GABRG3: variants seen among roughly 807,000 people sequenced by gnomAD.
GABRG3 encodes the protein gamma-aminobutyric acid type A receptor subunit gamma3.
GABRG3 carries 25 observed loss-of-function variants against 48.8 expected under a neutral mutation model. The observed-to-expected ratio is 0.51, with a 90% CI of 0.37 to 0.72. The LOEUF (loss-of-function observed/expected upper bound fraction) is 0.72. Among genes scored for constraint, GABRG3 ranks in the 30% least tolerant of loss-of-function variants. The pLI is 0.00. For missense variants in GABRG3, 394 were observed against 577.9 expected, an observed-to-expected ratio of 0.68 and a Z score of 3.26; for synonymous variants, 227 against 217.6, an observed-to-expected ratio of 1.04 and a Z score of -0.38.
chr15:27,412,421 A>G (rs753828864), intron 5 of GABRG3, among the ~76,000 whole-genome samples: 5 of 152,134 alleles, frequency 3.3e-5, no homozygotes, highest in African/African-American at 1.2e-4. Flanking sequence ...CCATATATAA[A>G]TGGTATAATA....
chr15:27,088,617 A>T (rs1595516932), intron 3 of GABRG3, among the ~76,000 whole-genome samples: 1 of 152,258 alleles, frequency 6.6e-6, no homozygotes, highest in East Asian at 1.9e-4. Context: ...GGAAACTCAC[A>T]ATCCTGGTGG....
chr15:27,348,059 A>G (rs1894433930), intron 5 of GABRG3, among the ~76,000 whole-genome samples: 2 of 150,988 alleles, frequency 1.3e-5, no homozygotes, highest in Admixed American at 1.3e-4. Flanking sequence ...GTCACAGTTA[A>G]TGTTTAAGAG....
intron 6 of GABRG3, among the ~76,000 whole-genome samples, chr15:27,504,525 T>G (rs554182136): frequency 6.6e-6 from 1 of 152,350 alleles, no homozygotes; most frequent in African/African-American, 2.4e-5. Flanking sequence ...AACTTTGTGC[T>G]ATTGTGATTA....
At chr15:27,184,145 A>G (rs1888019680) in intron 3 of GABRG3, among the ~76,000 whole-genome samples, 1 of 152,240 alleles carries the variant, frequency 6.6e-6, no homozygotes, top group Admixed American at 6.5e-5. Context: ...GACAAGACAA[A>G]GATAAAGGAC....
rs1887887788 is a variant in GABRG3 at position 27,180,284 on chromosome 15, A to G, written c.271-146525A>G. Among the ~76,000 whole-genome samples the G allele has an allele frequency of 6.6e-6, 1 of 152,188 alleles. No homozygotes were observed. Among genetic ancestry groups the G allele is most frequent in the African/African-American group, 2.4e-5 (1 of 41,432 alleles). Reference sequence around the variant, plus strand: ...GGAGTAGATGTACATTCTGGTCACAATAGCAACTAGAGTAAACGGGCAAAT... The same window carrying G: ...GGAGTAGATGTACATTCTGGTCACAGTAGCAACTAGAGTAAACGGGCAAAT... On this transcript the variant is annotated intron_variant, in intron 3 of 9. Coordinates refer to ENST00000615808, the MANE Select transcript of GABRG3 (RefSeq NM_033223.5). This position sits in a 1 kb window ranked among gnomAD's most constrained non-coding sequence, Gnocchi z 4.2.
chr15:27,181,009 T>C lies in GABRG3; in HGVS notation c.271-145800T>C, dbSNP rs558593063. On this transcript the variant is annotated intron_variant, in intron 3 of 9. Transcript: ENST00000615808. Reference sequence around the variant, plus strand: ...AGGAGGGCCGTAGTTCACAACTTCATGAGATGGCACAGGGCAGTAAAGGCC... The same window carrying C: ...AGGAGGGCCGTAGTTCACAACTTCACGAGATGGCACAGGGCAGTAAAGGCC... 2.0e-5 allele frequency among the ~76,000 whole-genome samples: 3 copies of C among 152,298 alleles called. No homozygotes were observed. The East Asian group carries it at 5.8e-4, about 29-fold the overall frequency.
intron 6 of GABRG3, among the ~76,000 whole-genome samples, chr15:27,491,857 A>G (rs889337807): frequency 2.6e-5 from 4 of 152,184 alleles, no homozygotes; most frequent in South Asian, 2.1e-4. Flanking sequence ...TACTTCAAAT[A>G]TGCGGGCTAT....
intron 3 of GABRG3, among the ~76,000 whole-genome samples, chr15:27,245,588 A>T (rs535420962): frequency 1.3e-5 from 2 of 152,300 alleles, no homozygotes; most frequent in Non-Finnish European, 2.9e-5. Flanking sequence ...GTATAAAGAA[A>T]ATAGGCTGGG....
At chr15:27,388,181 AG>A (rs1566817872) in intron 5 of GABRG3, among the ~76,000 whole-genome samples, 1 of 65,642 alleles carries the variant, frequency 1.5e-5, no homozygotes. Flanking sequence ...GAAGGAAAGG[AG>A]GGAGGGAGGG....
intron 3 of GABRG3, among the ~76,000 whole-genome samples, chr15:27,309,183 AAC>A (rs1247888469): frequency 2.2e-4 from 32 of 147,346 alleles, no homozygotes; most frequent in South Asian, 4.2e-4. Context: ...TTTATATAGA[AAC>A]ACATATAATG....
intron 4 of GABRG3, among the ~76,000 whole-genome samples, chr15:27,327,721 C>G (rs949410969): frequency 6.6e-6 from 1 of 152,178 alleles, no homozygotes; most frequent in Admixed American, 6.5e-5. Flanking sequence ...GGACACTGCA[C>G]TCCCTTCTTC....
chr15:27,449,434 A>G (rs1344823829), intron 5 of GABRG3, among the ~76,000 whole-genome samples: 3 of 152,314 alleles, frequency 2.0e-5, no homozygotes, highest in Admixed American at 1.3e-4. Context: ...TGTAATAATG[A>G]AATCTAATTT....
At chr15:27,166,981 C>T (rs1887395091) in intron 3 of GABRG3, among the ~76,000 whole-genome samples, 1 of 152,178 alleles carries the variant, frequency 6.6e-6, no homozygotes, top group African/African-American at 2.4e-5. Context: ...GGGTTTAACT[C>T]TCCTGCTCAG....
intron 3 of GABRG3, among the ~76,000 whole-genome samples, chr15:27,083,131 G>A (rs7179336): frequency 0.22 from 32,700 of 152,050 alleles, 3,661 homozygotes; most frequent in Middle Eastern, 0.28. Context: ...CAAGCTCTAG[G>A]CTTGTTAGCA....
chr15:27,001,338 CT>C (rs1895443038), intron 2 of GABRG3, among the ~76,000 whole-genome samples: 1 of 152,216 alleles, frequency 6.6e-6, no homozygotes, highest in African/African-American at 2.4e-5. Context: ...CCTGTCACCC[CT>C]CTGAGGCCCA....
rs540141280 is a variant in GABRG3, at chr15:27,131,573, C to T, written c.270+104752C>T. Among the ~76,000 whole-genome samples the T allele has an allele frequency of 1.3e-4, 20 of 152,018 alleles. 1 individual carries two copies. The highest frequency in any genetic ancestry group is 4.2e-4 in the South Asian group (2 of 4,812). Reference sequence around the variant, plus strand: ...TATAATGAGTTTGGAAGTGTTCCCTCGTCTTCAATATTTTGAAGCATCTGA... The same window carrying T: ...TATAATGAGTTTGGAAGTGTTCCCTTGTCTTCAATATTTTGAAGCATCTGA... On this transcript the variant is annotated intron_variant, in intron 3 of 9. Transcript: ENST00000615808.
At chr15:27,383,199 C>T (rs1169653017) in intron 5 of GABRG3, among the ~76,000 whole-genome samples, 2 of 152,138 alleles carry the variant, frequency 1.3e-5, no homozygotes, top group African/African-American at 4.8e-5. Context: ...CTTTCTTAGC[C>T]AAGGTATAAC....
At chr15:27,108,662 A>C (rs1897492472) in intron 3 of GABRG3, among the ~76,000 whole-genome samples, 1 of 152,176 alleles carries the variant, frequency 6.6e-6, no homozygotes, top group Non-Finnish European at 1.5e-5. Flanking sequence ...CTGTCAGTTA[A>C]TGATGCAGTC....
At chr15:27,054,670 T>C (rs7494955) in intron 3 of GABRG3, among the ~76,000 whole-genome samples, 23,929 of 152,098 alleles carry the variant, frequency 0.16, 2,360 homozygotes, top group African/African-American at 0.27. Context: ...TCAGATGGAA[T>C]GGATACAGAT....
Sources: allele counts gnomAD v4.1 joint callset (sites outside exome capture counted in the v4.1 genomes callset), GRCh38; gene constraint gnomAD v4.1.1; non-coding constraint Gnocchi (gnomAD v3.1); transcripts MANE v1.5; gene names NCBI Gene and HGNC (gene_info 2026-07-23, HGNC 2026-07-21).